The following GPC6 variants were observed in gnomAD, a reference collection of about 807,000 sequenced individuals.
GPC6 encodes glypican 6.
A neutral mutation model predicts 55.2 loss-of-function variants in GPC6; 14 were observed. That is an observed-to-expected ratio of 0.25 (90% confidence interval 0.17 to 0.40). The LOEUF (loss-of-function observed/expected upper bound fraction) is 0.40. GPC6 is among the 10% of genes least tolerant of loss of function. GPC6 has a pLI of 1.00. For missense variants in GPC6, 641 were observed against 708.5 expected, an observed-to-expected ratio of 0.90 and a Z score of 1.08; for synonymous variants, 278 against 259.6, an observed-to-expected ratio of 1.07 and a Z score of -0.68.
intron 1 of GPC6, among the ~76,000 whole-genome samples, chr13:93,526,923 T>C (rs1246918802): frequency 6.6e-6 from 1 of 152,120 alleles, no homozygotes; most frequent in African/African-American, 2.4e-5. Flanking sequence ...TTATTCTGCC[T>C]GTTTTGTTGG....
intron 7 of GPC6, among the ~76,000 whole-genome samples, chr13:94,383,868 G>A (rs1880286653): frequency 6.6e-6 from 1 of 152,186 alleles, no homozygotes; most frequent in Non-Finnish European, 1.5e-5. Flanking sequence ...CGAAGCAGGT[G>A]CCTTCCTCAC....
chr13:93,427,432 T>A (rs1877182823), intron 1 of GPC6, among the ~76,000 whole-genome samples: 2 of 151,592 alleles, frequency 1.3e-5, no homozygotes, highest in African/African-American at 4.8e-5. Flanking sequence ...AACAGAGCCC[T>A]CAGAAATAAC....
intron 4 of GPC6, among the ~76,000 whole-genome samples, chr13:94,269,653 T>G (rs764379578): frequency 5.3e-5 from 8 of 152,150 alleles, no homozygotes; most frequent in Admixed American, 2.0e-4. Context: ...CGTCTTTCAC[T>G]CTGACACTGA....
chr13:93,740,599 A>G (rs1884168015), intron 2 of GPC6, among the ~76,000 whole-genome samples: 1 of 152,218 alleles, frequency 6.6e-6, no homozygotes, highest in African/African-American at 2.4e-5. Context: ...ACAGTATCAC[A>G]TTTGCTAAAC....
At chr13:93,244,886 A>T (rs776930626) in intron 1 of GPC6, among the ~76,000 whole-genome samples, 17 of 152,160 alleles carry the variant, frequency 1.1e-4, no homozygotes, top group Non-Finnish European at 1.9e-4. Flanking sequence ...GCTCTTTTCA[A>T]AAGGGTGACG....
intron 2 of GPC6, among the ~76,000 whole-genome samples, chr13:93,760,475 T>G (rs1884921062): frequency 6.6e-6 from 1 of 152,172 alleles, no homozygotes; most frequent in Non-Finnish European, 1.5e-5. Flanking sequence ...GAGCCTGGCT[T>G]GGTCCTCAGG....
At chr13:93,676,422 A>C (rs1379824370) in intron 2 of GPC6, among the ~76,000 whole-genome samples, 2 of 151,786 alleles carry the variant, frequency 1.3e-5, no homozygotes, top group Non-Finnish European at 2.9e-5. Flanking sequence ...ATCTCAAAAA[A>C]ATAAATAAGT....
intron 1 of GPC6, among the ~76,000 whole-genome samples, chr13:93,305,461 C>A (rs1878825392): frequency 6.6e-6 from 1 of 152,186 alleles, no homozygotes; most frequent in African/African-American, 2.4e-5. Flanking sequence ...TTTCTCAGAA[C>A]AGTTAAGAGA....
chr13:93,965,326 G>A, intron 3 of GPC6, among the ~76,000 whole-genome samples: 1 of 151,884 alleles, frequency 6.6e-6, no homozygotes, highest in East Asian at 1.9e-4. Context: ...CAGGAGAATG[G>A]CATGAACCCG....
At chr13:94,352,309 C>T (rs966788108) in intron 6 of GPC6, among the ~76,000 whole-genome samples, 4 of 151,592 alleles carry the variant, frequency 2.6e-5, no homozygotes, top group African/African-American at 9.8e-5. Context: ...CCAAATGCTA[C>T]AACCTCATGG....
chr13:94,274,428 A>G (rs927197380), intron 4 of GPC6, among the ~76,000 whole-genome samples: 1 of 152,110 alleles, frequency 6.6e-6, no homozygotes, highest in Non-Finnish European at 1.5e-5. Flanking sequence ...TGAATCTGAT[A>G]TCTGTACACT....
intron 4 of GPC6, among the ~76,000 whole-genome samples, chr13:94,096,922 T>C (rs1885679137): frequency 6.6e-6 from 1 of 152,174 alleles, no homozygotes; most frequent in Non-Finnish European, 1.5e-5. Flanking sequence ...AATCTATGAA[T>C]GGAACATGTG....
intron 4 of GPC6, among the ~76,000 whole-genome samples, chr13:94,177,537 T>G (rs367993656): frequency 6.6e-6 from 1 of 152,038 alleles, no homozygotes. Context: ...AATGTTAAAC[T>G]TACTAAAAAA....
chr13:93,837,979 C>G (rs1393990936), intron 3 of GPC6, among the ~76,000 whole-genome samples: 1 of 152,208 alleles, frequency 6.6e-6, no homozygotes, highest in Admixed American at 6.5e-5. Flanking sequence ...TTGCAGGAGA[C>G]AAGGATAGAG....
chr13:94,222,258 T>C (rs1399288224), intron 4 of GPC6, among the ~76,000 whole-genome samples: 2 of 152,128 alleles, frequency 1.3e-5, no homozygotes, highest in Non-Finnish European at 2.9e-5. Flanking sequence ...ATAAATGTTA[T>C]AGGAGTTTGG....
intron 2 of GPC6, among the ~76,000 whole-genome samples, chr13:93,656,922 G>A (rs1194690355): frequency 6.6e-6 from 1 of 151,834 alleles, no homozygotes; most frequent in Non-Finnish European, 1.5e-5. Flanking sequence ...TCTACAATGA[G>A]AATTACAAAA....
intron 2 of GPC6, among the ~76,000 whole-genome samples, chr13:93,611,455 A>G (rs1566448870): frequency 6.6e-6 from 1 of 152,152 alleles, no homozygotes; most frequent in Non-Finnish European, 1.5e-5. Flanking sequence ...TGTAGTACAG[A>G]TGTATTTTAT....
intron 1 of GPC6, among the ~76,000 whole-genome samples, chr13:93,346,305 C>A (rs1335023119): frequency 6.6e-6 from 1 of 152,048 alleles, no homozygotes; most frequent in African/African-American, 2.4e-5. Flanking sequence ...CATAAATGGG[C>A]AAGTGTAAAG....
intron 1 of GPC6, among the ~76,000 whole-genome samples, chr13:93,390,801 TA>T (rs879499878): frequency 1.7e-3 from 248 of 145,300 alleles, no homozygotes; most frequent in Middle Eastern, 7.2e-3. Flanking sequence ...TTACTGTCAT[TA>T]AAAAAAAAAA....
Sources: allele counts gnomAD v4.1 joint callset (sites outside exome capture counted in the v4.1 genomes callset), GRCh38; gene constraint gnomAD v4.1.1; transcripts MANE v1.5; gene names NCBI Gene and HGNC (gene_info 2026-07-23, HGNC 2026-07-21).